Variants in KCNQ5 observed in about 807,000 individuals in gnomAD.
The protein encoded by KCNQ5 is potassium voltage-gated channel subfamily KQT member 5.
In KCNQ5, 30 loss-of-function variants were observed where a neutral mutation model predicts 98.2. That is an observed-to-expected ratio of 0.31 (90% CI 0.23 to 0.41). The LOEUF is 0.41. KCNQ5 is among the 10% of genes least tolerant of loss of function. The probability of loss-of-function intolerance (pLI) is 1.00; values close to 1 mark genes in which losing one functional copy is unlikely to be tolerated. For missense variants in KCNQ5, 835 were observed against 1,182.5 expected (o/e 0.71, Z 4.31); for synonymous variants, 458 against 449.4 (o/e 1.02, Z -0.24).
At chr6:72,796,787 T>C (rs571906204) in intron 1 of KCNQ5, among the ~76,000 whole-genome samples, 27 of 152,330 alleles carry the variant, frequency 1.8e-4, no homozygotes, top group Non-Finnish European at 3.2e-4. Context: ...ATTAAGACAG[T>C]AATATTAAAT....
At chr6:73,157,873 C>T (rs1372766764) in intron 10 of KCNQ5, 11 of 778,328 alleles carry the variant, frequency 1.4e-5, no homozygotes, top group Non-Finnish European at 2.6e-5. Context: ...GGGATCTAAG[C>T]GAATATCGTT....
At chr6:72,868,969 A>G (rs1191935886) in intron 1 of KCNQ5, among the ~76,000 whole-genome samples, 1 of 152,200 alleles carries the variant, frequency 6.6e-6, no homozygotes, top group Non-Finnish European at 1.5e-5. Flanking sequence ...AAAGATAACT[A>G]TTATAAAAGA....
At chr6:73,041,202 T>C (rs1347586758) in intron 2 of KCNQ5, among the ~76,000 whole-genome samples, 1 of 152,240 alleles carries the variant, frequency 6.6e-6, no homozygotes, top group Admixed American at 6.5e-5. Context: ...GACTGTTTAA[T>C]GAGCCACTCT....
At chr6:72,793,346 G>A (rs1189415061) in intron 1 of KCNQ5, among the ~76,000 whole-genome samples, 2 of 152,154 alleles carry the variant, frequency 1.3e-5, no homozygotes, top group African/African-American at 2.4e-5. Context: ...ATTGATGGCA[G>A]CACAGCTTGT....
intron 9 of KCNQ5, among the ~76,000 whole-genome samples, chr6:73,127,998 G>A (rs1776057355): frequency 6.6e-6 from 1 of 152,192 alleles, no homozygotes; most frequent in Admixed American, 6.5e-5. Context: ...CTGGGAAGCA[G>A]AGGTTGCAGT....
chr6:73,077,448 G>A lies in KCNQ5; in HGVS notation c.743G>A (p.Arg248Lys). 6.2e-7 allele frequency: 1 copy of A among 1,614,140 alleles called. No individual in the cohort carries two copies. Among genetic ancestry groups the A allele is most frequent in the Non-Finnish European group, 8.5e-7 (1 of 1,180,018 alleles). The change falls in exon 4 of 14, where the codon AGG becomes AAG. Residue 248 changes from arginine to lysine, a missense_variant. Physicochemically the swap from Arg to Lys is conservative, Grantham distance 26 (BLOSUM62 2). Transcript: ENST00000370398. The stretch of plus-strand genomic sequence containing the variant: ...CTCCGCATGGTGCGCATGGACCGAA[G>A]GGGAGGCACTTGGAAATTACTGGGT... The part of the protein sequence containing the change: ...QILRMVRMDR[R>K]GGTWKLLGSV...
intron 1 of KCNQ5, among the ~76,000 whole-genome samples, chr6:72,997,498 G>A (rs750335357): frequency 1.3e-5 from 2 of 151,700 alleles, no homozygotes; most frequent in African/African-American, 2.4e-5. Context: ...TTCACAGGCC[G>A]GGCACAGTAG....
At chr6:72,725,379 A>G (rs1770211609) in intron 1 of KCNQ5, among the ~76,000 whole-genome samples, 1 of 152,192 alleles carries the variant, frequency 6.6e-6, no homozygotes, top group African/African-American at 2.4e-5. Flanking sequence ...GGAATTCCAC[A>G]GATTAATTTA....
At chr6:73,171,207 A>T (rs1251629569) in intron 11 of KCNQ5, among the ~76,000 whole-genome samples, 1 of 151,050 alleles carries the variant, frequency 6.6e-6, no homozygotes. Context: ...GCAGCAGCCT[A>T]AAAAAAAACA....
intron 1 of KCNQ5, among the ~76,000 whole-genome samples, chr6:72,908,744 A>C (rs1779802287): frequency 6.6e-6 from 1 of 152,168 alleles, no homozygotes; most frequent in Admixed American, 6.5e-5. Context: ...GGAGGAAGTA[A>C]TTTCGTGCTG....
chr6:73,057,216 A>T (rs908114463), intron 3 of KCNQ5, among the ~76,000 whole-genome samples: 5 of 152,028 alleles, frequency 3.3e-5, no homozygotes, highest in African/African-American at 1.2e-4. Context: ...TTCTCAGCAA[A>T]CTATCACAAG....
At chr6:72,972,991 C>G (rs1767977749) in intron 1 of KCNQ5, among the ~76,000 whole-genome samples, 1 of 152,164 alleles carries the variant, frequency 6.6e-6, no homozygotes, top group Non-Finnish European at 1.5e-5. Flanking sequence ...AAACTAAACT[C>G]TAGGCCTTCT....
chr6:73,092,644 C>T (rs941080317), intron 5 of KCNQ5, among the ~76,000 whole-genome samples: 5 of 152,060 alleles, frequency 3.3e-5, no homozygotes, highest in African/African-American at 9.7e-5. Context: ...TTGTTGAATG[C>T]TTTTTCTGCG....
At chr6:72,750,922 A>C (rs979489128) in intron 1 of KCNQ5, among the ~76,000 whole-genome samples, 8 of 152,034 alleles carry the variant, frequency 5.3e-5, no homozygotes, top group African/African-American at 1.9e-4. Context: ...TCATCAATTT[A>C]TGTCATTAAA....
chr6:72,697,001 T>G (rs13207968), intron 1 of KCNQ5, among the ~76,000 whole-genome samples: 2 of 152,204 alleles, frequency 1.3e-5, no homozygotes, highest in Non-Finnish European at 2.9e-5. Context: ...TTATTTGAGG[T>G]CAATCGCGGT....
At chr6:72,851,040 C>T (rs1777232606) in intron 1 of KCNQ5, among the ~76,000 whole-genome samples, 1 of 152,098 alleles carries the variant, frequency 6.6e-6, no homozygotes, top group Admixed American at 6.6e-5. Context: ...AGTAGGTTCA[C>T]ATATAATAAA....
intron 11 of KCNQ5, among the ~76,000 whole-genome samples, chr6:73,185,433 C>A (rs1434817843): frequency 6.6e-6 from 1 of 152,190 alleles, no homozygotes; most frequent in African/African-American, 2.4e-5. Flanking sequence ...CCTCCCTCCT[C>A]AGCCCCCCAA....
chr6:72,838,842 C>T (rs945342417), intron 1 of KCNQ5, among the ~76,000 whole-genome samples: 3 of 145,662 alleles, frequency 2.1e-5, no homozygotes, highest in South Asian at 2.2e-4. Context: ...CCCAGCTACT[C>T]GGGAGGCTGA....
At chr6:72,692,765 A>C (rs558408521) in intron 1 of KCNQ5, among the ~76,000 whole-genome samples, 11 of 152,294 alleles carry the variant, frequency 7.2e-5, no homozygotes, top group Non-Finnish European at 1.6e-4. Context: ...TGATCATAGA[A>C]ATATGGTCAA....
Sources: allele counts gnomAD v4.1 joint callset (sites outside exome capture counted in the v4.1 genomes callset), GRCh38; gene constraint gnomAD v4.1.1; transcripts MANE v1.5; gene names NCBI Gene and HGNC (gene_info 2026-07-23, HGNC 2026-07-21).